The following GNAI2 variants were observed in gnomAD, a reference collection of about 807,000 sequenced individuals.
The protein encoded by GNAI2 is G protein subunit alpha i2.
Under a neutral mutation model 36.8 loss-of-function variants are expected in GNAI2, and 4 were observed. That is an observed-to-expected ratio of 0.11 (90% CI 0.05 to 0.25). The LOEUF is 0.25. Among genes scored for constraint, GNAI2 ranks in the 10% least tolerant of loss-of-function variants. The pLI, the probability that GNAI2 is intolerant of heterozygous loss-of-function variation, is 1.00. For synonymous variants in GNAI2, 194 were observed against 194.1 expected, an observed-to-expected ratio of 1.00 and a Z score of 0.01; for missense variants, 230 against 481.3, an observed-to-expected ratio of 0.48 and a Z score of 4.89.
upstream of GNAI2, chr3:50,227,130 G>C: frequency 7.0e-7 from 1 of 1,422,484 alleles, no homozygotes; most frequent in Non-Finnish European, 9.2e-7. The surrounding 1 kb of genome is among the most constrained non-coding windows in gnomAD (Gnocchi z 5.9). Flanking sequence ...TCTCATGACG[G>C]AGGGTGTGAA....
exon 1 of GNAI2, chr3:50,230,871 C>G (rs1553699730): frequency 1.0e-6 from 1 of 985,320 alleles, no homozygotes; most frequent in Non-Finnish European, 1.2e-6. Context: ...CCAAAATGAA[C>G]TCTCCTGAAA....
rs782800215 is a variant in GNAI2 at position 50,236,853 on chromosome 3, G to T, written c.118+400G>T. Among the ~76,000 whole-genome samples the T allele has an allele frequency of 6.6e-6, 1 of 152,000 alleles. No individual in the cohort carries two copies. Among genetic ancestry groups the T allele is most frequent in the Non-Finnish European group, 1.5e-5 (1 of 67,986 alleles). Reference sequence around the variant, plus strand: ...GGCTCCGCTTGTTTTCCTCACCTGCGCCTTTTATTCCTATTGGGCATGAGC... The same window carrying T: ...GGCTCCGCTTGTTTTCCTCACCTGCTCCTTTTATTCCTATTGGGCATGAGC... On this transcript the variant is annotated intron_variant, in intron 1 of 8. Transcript: ENST00000313601. The surrounding 1 kb of genome is among the most constrained non-coding windows in gnomAD (Gnocchi z 4.0).
chr3:50,244,380 C>T (rs959120564), intron 1 of GNAI2, among the ~76,000 whole-genome samples: 2 of 152,148 alleles, frequency 1.3e-5, no homozygotes, highest in African/African-American at 4.8e-5. Flanking sequence ...TATCCTCTCA[C>T]AGTGATGCTC....
chr3:50,252,039 G>A lies in GNAI2; in HGVS notation c.119-61G>A. ...CTGGGCTACAGGTGTCTGGGCATTT[G>A]TTCTGTGCCTGTGGAGCCCCTCTGG... On this transcript the variant is annotated intron_variant, in intron 1 of 8. Coordinates refer to ENST00000313601, the MANE Select transcript of GNAI2 (RefSeq NM_002070.4). This position sits in a 1 kb window ranked among gnomAD's most constrained non-coding sequence, Gnocchi z 4.1. The A allele has an allele frequency of 6.6e-7, 1 of 1,522,468 alleles. No individual in the cohort carries two copies. Among genetic ancestry groups the A allele is most frequent in the Non-Finnish European group, 9.1e-7 (1 of 1,098,832 alleles). 94.3% of individuals were successfully genotyped at this position (1,522,468 alleles called of 1,614,324 possible). A position where few individuals can be genotyped will look rare whatever the true frequency, so the allele number is the denominator to read the frequency against.
chr3:50,254,141 C>T (rs1166959904), intron 4 of GNAI2, among the ~76,000 whole-genome samples: 4 of 152,104 alleles, frequency 2.6e-5, no homozygotes, highest in Non-Finnish European at 5.9e-5. Context: ...GCATGACAAG[C>T]CTGCACCCTT....
chr3:50,227,071 T>A, upstream of GNAI2: 1 of 1,177,850 alleles, frequency 8.5e-7, no homozygotes, highest in Admixed American at 3.9e-5. The surrounding 1 kb of genome is among the most constrained non-coding windows in gnomAD (Gnocchi z 5.9). Context: ...ATCACCCACA[T>A]CACCGTCTAA....
At chr3:50,230,801 G>GGTCAA (rs1700054914) in exon 1 of GNAI2, 1 of 985,270 alleles carries the variant, frequency 1.0e-6, no homozygotes, top group South Asian at 4.7e-5. Flanking sequence ...GTGGGCATGG[G>GGTCAA]GTCAAGTCAT....
rs1700297765 is a variant in GNAI2 at position 50,241,454 on chromosome 3, GCT to G, written c.118+5003_118+5004del. Among the ~76,000 whole-genome samples the G allele has an allele frequency of 6.6e-6, 1 of 152,064 alleles. No individual in the cohort carries two copies. The highest frequency in any genetic ancestry group is 1.5e-5 in the Non-Finnish European group (1 of 68,018). On this transcript the variant is annotated intron_variant, in intron 1 of 8. Coordinates refer to ENST00000313601, the MANE Select transcript of GNAI2 (RefSeq NM_002070.4). The surrounding 1 kb of genome is among the most constrained non-coding windows in gnomAD (Gnocchi z 5.0). ...CCTGCATCCTGCCCAGTTCTGCTAG[GCT>G]CAGCCCCTGCCTCTCACGCCAGTGT...
chr3:50,227,133 G>A (rs1335544143), upstream of GNAI2: 4 of 1,424,672 alleles, frequency 2.8e-6, no homozygotes, highest in African/African-American at 4.4e-5. The surrounding 1 kb of genome is among the most constrained non-coding windows in gnomAD (Gnocchi z 5.9). Flanking sequence ...CATGACGGAG[G>A]GTGTGAAGAC....
In GNAI2 at chr3:50,238,162, T is replaced by C. The variant is rs1187922781; in HGVS notation, c.118+1709T>C. The C allele has an allele frequency of 6.6e-6, 1 of 152,166 alleles. No homozygotes were observed. Among genetic ancestry groups the C allele is most frequent in the Admixed American group, 6.5e-5 (1 of 15,276 alleles). The allele number at this position is 152,166 out of a possible 1,614,324, so 9.4% of individuals were successfully genotyped here. A position where few individuals can be genotyped will look rare whatever the true frequency, so the allele number is the denominator to read the frequency against. ...GGGTGTCGACGCGGCGGAATGCCCG[T>C]CGCTGCTGCTGCTGCTGCCCGACGG... On this transcript the variant is annotated intron_variant, in intron 1 of 8. Transcript: ENST00000313601. The surrounding 1 kb of genome is among the most constrained non-coding windows in gnomAD (Gnocchi z 5.0).
rs782198066 is a variant in GNAI2, at chr3:50,253,700, C to T, written c.464+516C>T. Among the ~76,000 whole-genome samples, 1 of 152,176 alleles carries T rather than the reference C, an allele frequency of 6.6e-6. No individual in the cohort carries two copies. The highest frequency in any genetic ancestry group is 1.5e-5 in the Non-Finnish European group (1 of 68,030). On this transcript the variant is annotated intron_variant, in intron 4 of 8. Coordinates refer to ENST00000313601, the MANE Select transcript of GNAI2 (RefSeq NM_002070.4). The surrounding 1 kb of genome is among the most constrained non-coding windows in gnomAD (Gnocchi z 4.2). ...TGGAGCTTGCAGTGAGCGGAGATTG[C>T]GCCACTGCACTCTAGCTTGGGTGAC...
chr3:50,235,984 A>C, upstream of GNAI2: 1 of 161,590 alleles, frequency 6.2e-6, no homozygotes, highest in Admixed American at 6.5e-5. Context: ...AACCACCCCT[A>C]TTGCCTTTTC....
chr3:50,252,229 A>G lies in GNAI2; in HGVS notation c.161+87A>G. On this transcript the variant is annotated intron_variant, in intron 2 of 8. Transcript: ENST00000313601. This position sits in a 1 kb window ranked among gnomAD's most constrained non-coding sequence, Gnocchi z 4.1. ...CTGCACTGCCCCCGACTACAGGCCCAGCCAGTCTTAGCCAGGCCCAGAATC... is the reference window on the plus strand; with the variant it reads ...CTGCACTGCCCCCGACTACAGGCCCGGCCAGTCTTAGCCAGGCCCAGAATC... 3 of 1,427,452 alleles carry G rather than the reference A, an allele frequency of 2.1e-6. No homozygotes were observed. Among genetic ancestry groups the G allele is most frequent in the Non-Finnish European group, 3.0e-6 (3 of 1,016,100 alleles). The allele number at this position is 1,427,452 out of a possible 1,614,324, so 88.4% of individuals were successfully genotyped here.
At position 50,258,931 on chromosome 3, in the gene GNAI2, T is replaced by G; in HGVS notation, c.*588T>G. On this transcript the variant is annotated 3_prime_UTR_variant, in exon 9 of 9. Transcript: ENST00000313601. ...AAAAACTGCAAATCTAGAAAACTTT[T>G]TAGAGAAAAACTATTTAAAACTGTC... is the stretch of plus-strand genomic sequence containing the variant. 1 of 444,258 alleles carries G rather than the reference T, an allele frequency of 2.3e-6. No individual in the cohort carries two copies. The highest frequency in any genetic ancestry group is 4.5e-6 in the Non-Finnish European group (1 of 223,772). The allele number at this position is 444,258 out of a possible 1,614,324, so 27.5% of individuals were successfully genotyped here. A position where few individuals can be genotyped will look rare whatever the true frequency, so the allele number is the denominator to read the frequency against.
upstream of GNAI2, chr3:50,235,215 G>C (rs1256223250): frequency 7.2e-6 from 1 of 139,498 alleles, no homozygotes; most frequent in African/African-American, 2.5e-5. Flanking sequence ...CAGGATGGCT[G>C]CCTGCCGAAG....
In GNAI2 at chr3:50,247,153, ACT is replaced by A. The variant is rs1483839913; in HGVS notation, c.119-4946_119-4945del. The A allele has an allele frequency of 2.3e-5, 16 of 695,532 alleles. No homozygotes were observed. The African/African-American group carries it at 2.8e-4, about 12-fold the overall frequency. The allele number at this position is 695,532 out of a possible 1,614,324, so 43.1% of individuals were successfully genotyped here. A position where few individuals can be genotyped will look rare whatever the true frequency, so the allele number is the denominator to read the frequency against. ...ACCTGAATGCTCACATGTGCCCCAC[ACT>A]GTGAGAAGAGCTTTGCATTTAATCC... On this transcript the variant is annotated intron_variant, in intron 1 of 8. Coordinates refer to ENST00000313601, the MANE Select transcript of GNAI2 (RefSeq NM_002070.4).
At chr3:50,256,044 C>CAAAAAA (rs1170893603) in intron 4 of GNAI2, 148 bp from the exon 5 acceptor site, 42 of 142,748 alleles carry the variant, frequency 2.9e-4, no homozygotes, top group African/African-American at 1.6e-3. Context: ...CACTCTGTCT[C>CAAAAAA]AAAAAAAAAA....
Position 50,255,960 on chromosome 3 carries a change from C to T in GNAI2, c.465-232C>T, listed in dbSNP as rs181394846. Among the ~76,000 whole-genome samples, 1,899 of 147,984 alleles carry T rather than the reference C, an allele frequency of 0.013. 31 individuals carry two copies. The highest frequency in any genetic ancestry group is 0.014 in the Non-Finnish European group (955 of 67,410). ...ACTCAGGAGGCTGAGGCAGGAGAATCGCTTGAACCTGGCAGGCAGAGGTTG... is the reference window on the plus strand; with the variant it reads ...ACTCAGGAGGCTGAGGCAGGAGAATTGCTTGAACCTGGCAGGCAGAGGTTG... On this transcript the variant is annotated intron_variant, in intron 4 of 8. Transcript: ENST00000313601. This position sits in a 1 kb window ranked among gnomAD's most constrained non-coding sequence, Gnocchi z 4.0.
chr3:50,257,437 C>A (rs1700728145), intron 7 of GNAI2, 63 bp from the exon 8 acceptor site: 2 of 1,132,522 alleles, frequency 1.8e-6, no homozygotes, highest in Non-Finnish European at 2.5e-6. Flanking sequence ...ACCCTTGCTG[C>A]ACACGTAGGA....
Sources: allele counts gnomAD v4.1 joint callset (sites outside exome capture counted in the v4.1 genomes callset), GRCh38; gene constraint gnomAD v4.1.1; non-coding constraint Gnocchi (gnomAD v3.1); transcripts MANE v1.5; gene names NCBI Gene and HGNC (gene_info 2026-07-23, HGNC 2026-07-21).